Variants in UNC13B observed in about 807,000 individuals in gnomAD.
The protein encoded by UNC13B is unc-13 homolog B, also known as protein unc-13 homolog B.
A neutral mutation model predicts 211.0 loss-of-function variants in UNC13B; 144 were observed. The ratio of observed to expected loss-of-function variants is 0.68; its 90% CI spans 0.60 to 0.78. The LOEUF is 0.78. UNC13B is among the 30% of genes least tolerant of loss of function. UNC13B has a pLI of 0.00. For synonymous variants in UNC13B, 709 were observed against 725.8 expected (o/e 0.98, Z 0.37); for missense variants, 1,777 against 2,002.0 (o/e 0.89, Z 2.14).
chr9:35,387,889 G>A (rs947655096), intron 24 of UNC13B, among the ~76,000 whole-genome samples: 2 of 151,958 alleles, frequency 1.3e-5, no homozygotes, highest in African/African-American at 4.8e-5. Flanking sequence ...ATGTTTTATT[G>A]TAGTTGTAGT....
At chr9:35,293,228 G>A (rs1306698978) in intron 7 of UNC13B, among the ~76,000 whole-genome samples, 1 of 152,052 alleles carries the variant, frequency 6.6e-6, no homozygotes, top group African/African-American at 2.4e-5. Flanking sequence ...TTTCTTTAGT[G>A]TAGAAATGTT....
intron 1 of UNC13B, among the ~76,000 whole-genome samples, chr9:35,174,391 C>A (rs576415626): frequency 1.3e-5 from 2 of 151,570 alleles, no homozygotes; most frequent in East Asian, 3.9e-4. Context: ...AGAGTGCGAT[C>A]TCGGCTCACT....
intron 11 of UNC13B, among the ~76,000 whole-genome samples, chr9:35,355,944 G>A (rs1377469318): frequency 6.6e-6 from 1 of 152,214 alleles, no homozygotes. Flanking sequence ...TCTTCAGCTT[G>A]CAGAGTTTCC....
At chr9:35,376,407 G>T (rs1479701284) in intron 15 of UNC13B, among the ~76,000 whole-genome samples, 160 bp downstream of exon 15, 2 of 152,230 alleles carry the variant, frequency 1.3e-5, no homozygotes, top group African/African-American at 4.8e-5. Flanking sequence ...GAATCAAGGG[G>T]CATTGCCTTT....
chr9:35,404,411 G>T lies in UNC13B; in HGVS notation c.*378G>T. The T allele has an allele frequency of 4.4e-6, 1 of 226,506 alleles. No individual in the cohort carries two copies. Among genetic ancestry groups the T allele is most frequent in the Non-Finnish European group, 8.8e-6 (1 of 113,698 alleles). 14.0% of individuals were successfully genotyped at this position (226,506 alleles called of 1,614,324 possible). A position where few individuals can be genotyped will look rare whatever the true frequency, so the allele number is the denominator to read the frequency against. ...TTAGACACATACATACCAATCATTA[G>T]AAGAACAAGTTTAGAAGGTGTGGAA... On this transcript the variant is annotated 3_prime_UTR_variant, in exon 40 of 40. Transcript: ENST00000635942.
intron 7 of UNC13B, among the ~76,000 whole-genome samples, chr9:35,261,663 A>G (rs754444997): frequency 6.6e-6 from 1 of 152,104 alleles, no homozygotes; most frequent in Non-Finnish European, 1.5e-5. Context: ...TGTGTAATAA[A>G]TTATTGTTGA....
At chr9:35,326,787 T>C (rs1831042121) in intron 11 of UNC13B, among the ~76,000 whole-genome samples, 1 of 152,180 alleles carries the variant, frequency 6.6e-6, no homozygotes, top group Non-Finnish European at 1.5e-5. Flanking sequence ...GTAAATATGA[T>C]CTCTCAAAAT....
At chr9:35,388,546 G>A (rs1311481369) in intron 24 of UNC13B, among the ~76,000 whole-genome samples, 1 of 152,222 alleles carries the variant, frequency 6.6e-6, no homozygotes, top group African/African-American at 2.4e-5. Context: ...GACAAGTCAT[G>A]TAACCTTGCT....
chr9:35,184,600 C>T (rs1042278313), intron 1 of UNC13B, among the ~76,000 whole-genome samples: 7 of 152,074 alleles, frequency 4.6e-5, no homozygotes, highest in Non-Finnish European at 7.4e-5. Context: ...CCCAGGCACT[C>T]GGCAGGCTGA....
At chr9:35,342,025 T>G (rs1187721348) in intron 11 of UNC13B, 14 of 985,368 alleles carry the variant, frequency 1.4e-5, no homozygotes, top group Non-Finnish European at 1.6e-5. Flanking sequence ...GATTTCTACG[T>G]TTGCAGCCAG....
intron 26 of UNC13B, among the ~76,000 whole-genome samples, chr9:35,395,252 C>T (rs1835796743): frequency 6.6e-6 from 1 of 152,148 alleles, no homozygotes; most frequent in African/African-American, 2.4e-5. Context: ...ATTTAGTTGT[C>T]CTTTTGCCTC....
chr9:35,258,932 CCT>C, intron 6 of UNC13B, 59 bp from the exon 7 acceptor site: 1 of 1,545,352 alleles, frequency 6.5e-7, no homozygotes, highest in South Asian at 1.2e-5. Flanking sequence ...GATTTTTTTC[CCT>C]GTCTTTACTT....
At chr9:35,230,470 C>CAAAAAA (rs765330072) in intron 2 of UNC13B, among the ~76,000 whole-genome samples, 1 of 50,326 alleles carries the variant, frequency 2.0e-5, no homozygotes, top group East Asian at 4.6e-4. Flanking sequence ...GACTCTGTCT[C>CAAAAAA]AAAAAAAAAA....
chr9:35,264,220 A>T (rs1160367928), intron 7 of UNC13B, among the ~76,000 whole-genome samples: 2 of 152,180 alleles, frequency 1.3e-5, no homozygotes, highest in Admixed American at 1.3e-4. Flanking sequence ...CTACAGAGAA[A>T]ACTTCCATCT....
intron 16 of UNC13B, 23 bp from the exon 17 acceptor site, chr9:35,378,272 T>C (rs1292264534): frequency 1.2e-6 from 2 of 1,614,024 alleles, no homozygotes; most frequent in Non-Finnish European, 8.5e-7. Context: ...CTCTGAAGCC[T>C]CCTATACATG....
chr9:35,381,203 A>G lies in UNC13B; in HGVS notation c.10479A>G (p.Thr3493=), dbSNP rs1834809463. 1.9e-6 allele frequency: 3 copies of G among 1,613,736 alleles called. No individual in the cohort carries two copies. The highest frequency in any genetic ancestry group is 1.7e-4 in the Middle Eastern group (1 of 5,974). ...EKVAPYHVQY[T]CLHENLFHYL... ...TAGCCCCATACCACGTGCAGTATACATGTCTCCATGAGGTGAGCCAGCCCT... is the reference window on the plus strand; with the variant it reads ...TAGCCCCATACCACGTGCAGTATACGTGTCTCCATGAGGTGAGCCAGCCCT... The change falls in exon 19 of 40, where the codon ACA becomes ACG. Residue 3493 remains threonine (T), a synonymous_variant. Transcript: ENST00000635942.
chr9:35,321,276 A>G (rs562679439), intron 11 of UNC13B, among the ~76,000 whole-genome samples: 84 of 151,958 alleles, frequency 5.5e-4, no homozygotes, highest in African/African-American at 1.8e-3. Flanking sequence ...GCTGGAGTGC[A>G]GTGGTACAAG....
Position 35,237,726 on chromosome 9 carries a change from A to G in UNC13B, c.294A>G (p.Thr98=). ...SDEEGPGEWS[T]LEAETLMKDD... ...AGGAAGGGCCTGGGGAATGGTCCAC[A>G]TTAGAGGCAGAGACGTTAATGAAAG... Residue 98 remains threonine (T), a synonymous_variant, in exon 5 of 40, where the codon ACA becomes ACG. Coordinates refer to ENST00000635942, the MANE Select transcript of UNC13B (RefSeq NM_001371189.2). 6.2e-7 allele frequency: 1 copy of G among 1,613,922 alleles called. No individual in the cohort carries two copies. The highest frequency in any genetic ancestry group is 8.5e-7 in the Non-Finnish European group (1 of 1,179,952).
Position 35,403,935 on chromosome 9 carries a change from A to C in UNC13B, c.12925A>C (p.Thr4309Pro). 6.2e-7 allele frequency: 1 copy of C among 1,614,136 alleles called. No individual in the cohort carries two copies. Among genetic ancestry groups the C allele is most frequent in the Non-Finnish European group, 8.5e-7 (1 of 1,180,020 alleles). The change falls in exon 40 of 40, where the codon ACC becomes CCC. Residue 4309 changes from threonine to proline, a missense_variant. Thr to Pro is a conservative substitution (Grantham distance 38). Transcript: ENST00000635942. ...RKIHMDETGL[T>P]ILRILSQRSN... ...GATCCATATGGATGAGACAGGCCTG[A>C]CCATTCTCCGGATTTTATCTCAGAG...
Sources: gnomAD v4.1 joint callset for allele counts (sites outside exome capture counted in the v4.1 genomes callset) on GRCh38, gnomAD v4.1.1 for gene constraint, MANE v1.5 for transcripts, NCBI Gene and HGNC (gene_info 2026-07-23, HGNC 2026-07-21) for gene names.